The following SGMS1 variants were observed in gnomAD, a reference collection of about 807,000 sequenced individuals.
SGMS1 encodes the protein phosphatidylcholine:ceramide cholinephosphotransferase 1.
Under a neutral mutation model 46.2 loss-of-function variants are expected in SGMS1, and 13 were observed. The observed-to-expected ratio is 0.28, with a 90% CI of 0.18 to 0.45. The LOEUF (loss-of-function observed/expected upper bound fraction) is 0.45. Among genes scored for constraint, SGMS1 ranks in the 20% least tolerant of loss-of-function variants. The probability of loss-of-function intolerance (pLI) is 1.00; values close to 1 mark genes in which losing one functional copy is unlikely to be tolerated. For missense variants in SGMS1, 324 were observed against 519.9 expected (o/e 0.62, Z 3.66); for synonymous variants, 203 against 187.8 (o/e 1.08, Z -0.66).
At chr10:50,528,560 A>G (rs1054114507) in intron 2 of SGMS1, among the ~76,000 whole-genome samples, 11 of 152,250 alleles carry the variant, frequency 7.2e-5, no homozygotes, top group African/African-American at 2.7e-4. Context: ...ATCAAGAAAC[A>G]TTCCAATATT....
chr10:50,360,642 T>C (rs1016974275), intron 6 of SGMS1, among the ~76,000 whole-genome samples: 1 of 152,180 alleles, frequency 6.6e-6, no homozygotes, highest in Non-Finnish European at 1.5e-5. Flanking sequence ...ACTCCAGCAG[T>C]ACTCAAGAAT....
chr10:50,370,091 G>A (rs1288580127), intron 6 of SGMS1, among the ~76,000 whole-genome samples: 3 of 152,136 alleles, frequency 2.0e-5, no homozygotes, highest in African/African-American at 4.8e-5. Flanking sequence ...AATGGAGCTC[G>A]CAGGACTGGA....
At chr10:50,449,844 C>T (rs747563066) in intron 5 of SGMS1, among the ~76,000 whole-genome samples, 1 of 93,972 alleles carries the variant, frequency 1.1e-5, no homozygotes, top group African/African-American at 4.8e-5. Context: ...CCATAATACA[C>T]GTGTTGGTTG....
At chr10:50,415,668 T>C (rs1789604317) in intron 6 of SGMS1, among the ~76,000 whole-genome samples, 1 of 152,180 alleles carries the variant, frequency 6.6e-6, no homozygotes, top group East Asian at 1.9e-4. Flanking sequence ...TCTTGTATGA[T>C]GATATGCCCA....
chr10:50,405,004 C>A (rs1464178098), intron 6 of SGMS1, among the ~76,000 whole-genome samples: 1 of 151,788 alleles, frequency 6.6e-6, no homozygotes, highest in Non-Finnish European at 1.5e-5. Flanking sequence ...TGTAAAAAGC[C>A]AAAAGCAAGA....
intron 3 of SGMS1, among the ~76,000 whole-genome samples, chr10:50,504,700 A>T (rs1027833333): frequency 1.3e-5 from 2 of 150,106 alleles, no homozygotes; most frequent in African/African-American, 4.9e-5. Flanking sequence ...AATCCTGTTC[A>T]TTTTTTTTTT....
At chr10:50,553,650 G>A (rs138240264) in intron 2 of SGMS1, among the ~76,000 whole-genome samples, 243 of 152,204 alleles carry the variant, frequency 1.6e-3, no homozygotes, top group African/African-American at 5.2e-3. Context: ...TCATGCCTGC[G>A]TCTCTGAACC....
intron 3 of SGMS1, among the ~76,000 whole-genome samples, chr10:50,495,192 C>T (rs1347748268): frequency 2.1e-5 from 3 of 142,962 alleles, no homozygotes; most frequent in Non-Finnish European, 4.5e-5. Flanking sequence ...GAGCTGAGAT[C>T]GCACCACTGC....
At chr10:50,408,151 G>T (rs189978487) in intron 6 of SGMS1, among the ~76,000 whole-genome samples, 12 of 152,280 alleles carry the variant, frequency 7.9e-5, no homozygotes, top group Non-Finnish European at 1.6e-4. Flanking sequence ...AGTGCCTATT[G>T]TATTGGACAT....
At chr10:50,366,374 A>G (rs935360611) in intron 6 of SGMS1, among the ~76,000 whole-genome samples, 1 of 152,236 alleles carries the variant, frequency 6.6e-6, no homozygotes, top group Non-Finnish European at 1.5e-5. Flanking sequence ...TAGTTCAACC[A>G]TTGTGGAACA....
At chr10:50,409,729 T>A (rs1849070919) in intron 6 of SGMS1, among the ~76,000 whole-genome samples, 1 of 152,164 alleles carries the variant, frequency 6.6e-6, no homozygotes, top group Admixed American at 6.5e-5. Context: ...TCAACGGGAA[T>A]ATAAGACTAT....
chr10:50,470,119 C>T (rs1414210713), intron 3 of SGMS1, among the ~76,000 whole-genome samples: 2 of 152,098 alleles, frequency 1.3e-5, no homozygotes, highest in Non-Finnish European at 2.9e-5. Flanking sequence ...TTTTGGCAGC[C>T]CTGTCCCACA....
At chr10:50,401,626 C>T (rs1848941968) in intron 6 of SGMS1, among the ~76,000 whole-genome samples, 1 of 152,194 alleles carries the variant, frequency 6.6e-6, no homozygotes, top group South Asian at 2.1e-4. Flanking sequence ...CACCAACCAA[C>T]CAGAAATACC....
At chr10:50,494,703 A>G (rs1837595735) in intron 3 of SGMS1, among the ~76,000 whole-genome samples, 1 of 152,168 alleles carries the variant, frequency 6.6e-6, no homozygotes, top group Non-Finnish European at 1.5e-5. Flanking sequence ...GTGGGATGAA[A>G]TAATCTGTTC....
At position 50,495,795 on chromosome 10, in the gene SGMS1, G is replaced by C. The variant is rs560385721; in HGVS notation, c.-498+24036C>G. 2.0e-3 allele frequency among the ~76,000 whole-genome samples: 295 copies of C among 151,212 alleles called. 1 individual carries two copies. Among genetic ancestry groups the C allele is most frequent in the Non-Finnish European group, 3.4e-3 (228 of 67,848 alleles). On this transcript the variant is annotated intron_variant, in intron 3 of 10. Transcript: ENST00000361781. ...AAAAAAAAGAGCAAAGTTTGGAATA[G>C]TATGCATATCATACACAGAACATGT...
intron 2 of SGMS1, among the ~76,000 whole-genome samples, chr10:50,568,372 AAAC>A (rs1269432076): frequency 7.2e-5 from 11 of 152,210 alleles, no homozygotes; most frequent in African/African-American, 2.2e-4. Context: ...TGAAAGAACA[AAAC>A]AACATTATTT....
intron 6 of SGMS1, among the ~76,000 whole-genome samples, chr10:50,414,893 A>G (rs557180188): frequency 6.6e-6 from 1 of 152,330 alleles, no homozygotes; most frequent in South Asian, 2.1e-4. Context: ...CTCTTTGGGT[A>G]AAAGACCTAA....
At chr10:50,353,562 C>T (rs1306923704) in intron 6 of SGMS1, among the ~76,000 whole-genome samples, 1 of 152,268 alleles carries the variant, frequency 6.6e-6, no homozygotes, top group African/African-American at 2.4e-5. Flanking sequence ...CACTCCTATT[C>T]AACATAGTGT....
intron 2 of SGMS1, among the ~76,000 whole-genome samples, chr10:50,549,083 T>TA (rs554446568): frequency 5.6e-4 from 86 of 152,324 alleles, no homozygotes; most frequent in African/African-American, 2.0e-3. Context: ...GGAACGCTTA[T>TA]ATACTGTTGG....
Sources: allele counts gnomAD v4.1 joint callset (sites outside exome capture counted in the v4.1 genomes callset), GRCh38; gene constraint gnomAD v4.1.1; transcripts MANE v1.5; gene names NCBI Gene and HGNC (gene_info 2026-07-23, HGNC 2026-07-21).